The following CHPT1 variants were observed in gnomAD, a reference collection of about 807,000 sequenced individuals.
CHPT1 encodes choline phosphotransferase 1, also known as cholinephosphotransferase 1.
CHPT1 carries 36 observed loss-of-function variants against 47.6 expected under a neutral mutation model. That is an observed-to-expected ratio of 0.76 (90% CI 0.58 to 1.00). CHPT1 has a LOEUF of 1.00. Ranked by LOEUF, CHPT1 falls within the 50% of genes least tolerant of loss-of-function variation. CHPT1 has a pLI of 0.00. For missense variants in CHPT1, 458 were observed against 498.1 expected (o/e 0.92, Z 0.77); for synonymous variants, 194 against 186.3 (o/e 1.04, Z -0.33).
intron 1 of CHPT1, among the ~76,000 whole-genome samples, chr12:101,707,532 A>G (rs573481428): frequency 3.5e-4 from 54 of 152,304 alleles, no homozygotes; most frequent in Non-Finnish European, 7.2e-4. Context: ...CACTTGGTCC[A>G]TTAATTGAGG....
At chr12:101,720,390 C>G in intron 5 of CHPT1, 136 bp downstream of exon 5, 3 of 752,886 alleles carry the variant, frequency 4.0e-6, no homozygotes. Flanking sequence ...ATTTTAGGCA[C>G]ATAGTACAAA....
chr12:101,699,544 C>T (rs1386097689), intron 1 of CHPT1, among the ~76,000 whole-genome samples: 4 of 151,956 alleles, frequency 2.6e-5, no homozygotes, highest in African/African-American at 7.3e-5. Context: ...CCTGCCACCA[C>T]GCCCGGCTAA....
At chr12:101,706,530 G>GA (rs1380459107) in intron 1 of CHPT1, among the ~76,000 whole-genome samples, 5 of 152,090 alleles carry the variant, frequency 3.3e-5, no homozygotes, top group Non-Finnish European at 7.4e-5. Context: ...ACATGTTCCA[G>GA]AAAAATCAGT....
intron 5 of CHPT1, among the ~76,000 whole-genome samples, chr12:101,721,831 C>T (rs982785032): frequency 3.3e-5 from 5 of 151,974 alleles, no homozygotes; most frequent in Non-Finnish European, 5.9e-5. Flanking sequence ...GAGGCCGAGG[C>T]GGGCAGATCA....
Position 101,723,096 on chromosome 12 carries a change from G to A in CHPT1, c.781-72G>A, listed in dbSNP as rs1455255094. ...TTTAGGCCTCTTGCACAAAATAGAT[G>A]GTCAGAAAATGTCTACATTGTAATA... On this transcript the variant is annotated intron_variant, in intron 5 of 8. Coordinates refer to ENST00000229266, the MANE Select transcript of CHPT1 (RefSeq NM_020244.3). 3 of 1,366,912 alleles carry A rather than the reference G, an allele frequency of 2.2e-6. No individual in the cohort carries two copies. In the South Asian group the frequency reaches 3.6e-5, roughly 16 times the overall value. The allele number at this position is 1,366,912 out of a possible 1,614,324, so 84.7% of individuals were successfully genotyped here. A position where few individuals can be genotyped will look rare whatever the true frequency, so the allele number is the denominator to read the frequency against.
At chr12:101,719,516 G>A in intron 4 of CHPT1, 1 of 1,282,674 alleles carries the variant, frequency 7.8e-7, no homozygotes, top group South Asian at 1.2e-5. Context: ...TTGACCAACA[G>A]GTAAATATAT....
intron 1 of CHPT1, among the ~76,000 whole-genome samples, chr12:101,708,719 C>T (rs1218020430): frequency 1.6e-5 from 2 of 125,634 alleles, no homozygotes; most frequent in African/African-American, 2.6e-5. Context: ...GCCTCAGCCT[C>T]CTGAGTAGCT....
intron 2 of CHPT1, 25 bp downstream of exon 2, chr12:101,714,262 T>A: frequency 6.5e-7 from 1 of 1,536,608 alleles, no homozygotes; most frequent in Non-Finnish European, 8.7e-7. Flanking sequence ...TTTTTTATTT[T>A]TTTATGATAC....
rs1298929353 is a variant in CHPT1 at position 101,709,401 on chromosome 12, A to G, written c.274-4689A>G. Among the ~76,000 whole-genome samples, 14 of 147,346 alleles carry G rather than the reference A, an allele frequency of 9.5e-5. 2 individuals are homozygous for G. The highest frequency in any genetic ancestry group is 2.0e-4 in the Non-Finnish European group (13 of 65,954). On this transcript the variant is annotated intron_variant, in intron 1 of 8. Coordinates refer to ENST00000229266, the MANE Select transcript of CHPT1 (RefSeq NM_020244.3). ...TGAGACCTGTGTCAAAAAAAAAAAAAAAAAAAAAAGTCTAATCTATAATTG... is the reference window on the plus strand; with the variant it reads ...TGAGACCTGTGTCAAAAAAAAAAAAGAAAAAAAAAGTCTAATCTATAATTG...
intron 5 of CHPT1, among the ~76,000 whole-genome samples, chr12:101,720,458 T>C (rs1020981409): frequency 1.3e-5 from 2 of 152,238 alleles, no homozygotes; most frequent in Non-Finnish European, 2.9e-5. Flanking sequence ...TTGCTCTGCA[T>C]AGACTTTTCT....
At chr12:101,719,480 C>T (rs761375567) in intron 4 of CHPT1, 1 of 1,189,424 alleles carries the variant, frequency 8.4e-7, no homozygotes, top group South Asian at 1.3e-5. Context: ...TCCTTTGCTG[C>T]CTTTGGAAGT....
chr12:101,720,134 A>G lies in CHPT1; in HGVS notation c.660A>G (p.Leu220=), dbSNP rs1178372647. 40 of 1,590,384 alleles carry G rather than the reference A, an allele frequency of 2.5e-5. No individual in the cohort carries two copies. The highest frequency in any genetic ancestry group is 3.4e-5 in the Non-Finnish European group (40 of 1,169,728). Residue 220 remains leucine (L), a synonymous_variant, in exon 5 of 9, where the codon CTA becomes CTG. Transcript: ENST00000229266. The part of the protein sequence containing the change: ...ATMWDYTIPI[L]EIKLKILPVL... ...TTCTACCCCTAAAGATTCCTATTCT[A>G]GAAATAAAATTGAAGATCCTTCCAG...
intron 1 of CHPT1, among the ~76,000 whole-genome samples, chr12:101,701,580 G>A (rs1373355634): frequency 1.3e-5 from 2 of 152,190 alleles, no homozygotes; most frequent in East Asian, 3.9e-4. Context: ...CAAGCCAGAA[G>A]CTATGCTTCC....
rs1951816250 is a variant in CHPT1 at position 101,719,580 on chromosome 12, C to T, written c.649-543C>T. The T allele has an allele frequency of 3.5e-6, 4 of 1,146,600 alleles. No individual in the cohort carries two copies. The Admixed American group carries it at 1.0e-4, about 29-fold the overall frequency. The allele number at this position is 1,146,600 out of a possible 1,614,324, so 71.0% of individuals were successfully genotyped here. On this transcript the variant is annotated intron_variant, in intron 4 of 8. Coordinates refer to ENST00000229266, the MANE Select transcript of CHPT1 (RefSeq NM_020244.3). The stretch of plus-strand genomic sequence containing the variant: ...TACACAGATGTTTTGCTTGCATACA[C>T]ATCATGATATTTGTTACATTTATGA...
intron 1 of CHPT1, among the ~76,000 whole-genome samples, chr12:101,708,017 G>T (rs2137006856): frequency 6.6e-6 from 1 of 152,282 alleles, no homozygotes; most frequent in Non-Finnish European, 1.5e-5. Flanking sequence ...TGTGAAAATT[G>T]AATAAATTAA....
intron 8 of CHPT1, chr12:101,728,639 A>C: frequency 2.7e-6 from 1 of 377,222 alleles, no homozygotes; most frequent in African/African-American, 2.1e-5. Context: ...GATACAATGA[A>C]GCCAAACCTA....
intron 4 of CHPT1, among the ~76,000 whole-genome samples, chr12:101,718,878 C>T (rs923096777): frequency 4.6e-5 from 7 of 151,910 alleles, no homozygotes; most frequent in Non-Finnish European, 7.4e-5. Flanking sequence ...GGATGCTATG[C>T]GTTTTTTGTA....
At chr12:101,728,845 C>T (rs1594156170) in intron 8 of CHPT1, 56 bp from the exon 9 acceptor site, 2 of 1,585,124 alleles carry the variant, frequency 1.3e-6, no homozygotes, top group African/African-American at 2.7e-5. Context: ...TTAAACTATT[C>T]TAAAGACTTA....
At chr12:101,708,638 C>CAGCCGAAGACGGAAAGAT (rs1951663514) in intron 1 of CHPT1, among the ~76,000 whole-genome samples, 8 of 123,806 alleles carry the variant, frequency 6.5e-5, no homozygotes, top group Middle Eastern at 5.1e-3. Context: ...GACAGGGTCT[C>CAGCCGAAGACGGAAAGAT]ACTCTGTTGC....
Sources: gnomAD v4.1 joint callset for allele counts (sites outside exome capture counted in the v4.1 genomes callset) on GRCh38, gnomAD v4.1.1 for gene constraint, MANE v1.5 for transcripts, NCBI Gene and HGNC (gene_info 2026-07-23, HGNC 2026-07-21) for gene names.